The following COL16A1 variants were observed in gnomAD, a reference collection of about 807,000 sequenced individuals.
COL16A1 encodes the protein collagen type XVI alpha 1 chain.
A neutral mutation model predicts 266.3 loss-of-function variants in COL16A1; 189 were observed. That is an observed-to-expected ratio of 0.71 (90% confidence interval 0.63 to 0.80). COL16A1 has a LOEUF of 0.80. Among genes scored for constraint, COL16A1 ranks in the 30% least tolerant of loss-of-function variants. The pLI, the probability that COL16A1 is intolerant of heterozygous loss-of-function variation, is 0.00. For missense variants in COL16A1, 1,928 were observed against 2,122.4 expected (o/e 0.91, Z 1.80); for synonymous variants, 740 against 782.3 (o/e 0.95, Z 0.90).
rs765794123 is a variant in COL16A1, at chr1:31,697,089, C to G, written c.739-1G>C. On this transcript the variant is annotated splice_acceptor_variant, in intron 7 of 70. Coordinates refer to ENST00000373672, the MANE Select transcript of COL16A1 (RefSeq NM_001856.4). LOFTEE classifies it high-confidence loss of function. This position sits in a 1 kb window ranked among gnomAD's most constrained non-coding sequence, Gnocchi z 4.2. ...GGGCCTTGGAGGTCTCTGGGGGGCA[C>G]TGTTTGGTGGAAGAGCGGGGCTAGG... is the stretch of plus-strand genomic sequence containing the variant. 6.2e-7 allele frequency: 1 copy of G among 1,614,114 alleles called. No homozygotes were observed. The highest frequency in any genetic ancestry group is 8.5e-7 in the Non-Finnish European group (1 of 1,179,998).
Position 31,668,176 on chromosome 1 carries a change from G to A in COL16A1, c.3292C>T (p.Pro1098Ser). Residue 1098 changes from proline to serine, a missense_variant, in exon 51 of 71, where the codon CCA becomes TCA. Physicochemically the swap from Pro to Ser is moderately conservative, Grantham distance 74. Around this residue, in one of 2 missense-constraint regions of COL16A1, gnomAD observed 1,552 missense variants for 1,637.2 expected, o/e 0.95. Coordinates refer to ENST00000373672, the MANE Select transcript of COL16A1 (RefSeq NM_001856.4). This position sits in a 1 kb window ranked among gnomAD's most constrained non-coding sequence, Gnocchi z 5.8. ...GTCCCCTTACTCACAGGCAGTCCTGGGGGGCCCGTGGCACCTGGGTAACCT... is the reference window on the plus strand; with the variant it reads ...GTCCCCTTACTCACAGGCAGTCCTGAGGGGCCCGTGGCACCTGGGTAACCT... ...QPGYPGATGP[P>S]GLPGIKGERG... 10 of 1,612,802 alleles carry A rather than the reference G, an allele frequency of 6.2e-6. No homozygotes were observed. Among genetic ancestry groups the A allele is most frequent in the Non-Finnish European group, 8.5e-6 (10 of 1,179,372 alleles).
At chr1:31,671,705 T>G in intron 47 of COL16A1, 46 bp from the exon 48 acceptor site, 2 of 1,612,286 alleles carry the variant, frequency 1.2e-6, no homozygotes, top group Non-Finnish European at 1.7e-6. Context: ...CCAGGCCCCA[T>G]AGAGCCCCTG....
chr1:31,691,162 G>C, intron 20 of COL16A1, 26 bp downstream of exon 20: 9 of 1,611,338 alleles, frequency 5.6e-6, no homozygotes, highest in South Asian at 1.1e-5. Context: ...AGCTCCCCAC[G>C]TGACCACACT....
Position 31,680,937 on chromosome 1 carries a change from G to A in COL16A1, c.2584-6C>T, listed in dbSNP as rs1185047968. 2 of 1,614,052 alleles carry A rather than the reference G, an allele frequency of 1.2e-6. No individual in the cohort carries two copies. On this transcript the variant is annotated splice_region_variant and splice_polypyrimidine_tract_variant and intron_variant, in intron 38 of 70. Coordinates refer to ENST00000373672, the MANE Select transcript of COL16A1 (RefSeq NM_001856.4). The stretch of plus-strand genomic sequence containing the variant: ...CCTCGTGGTCCTTTTTCACCCTGCA[G>A]GGAAGAAACACAGGAAGGTGAGCAG...
chr1:31,674,704 C>T (rs10798883), intron 44 of COL16A1, among the ~76,000 whole-genome samples: 70,033 of 152,102 alleles, frequency 0.46, 18,014 homozygotes, highest in South Asian at 0.6. Flanking sequence ...CAGGGTGACC[C>T]GGGTGCTACG....
rs754435285 is a variant in COL16A1, at chr1:31,691,628, C to A, written c.1272G>T (p.Glu424Asp). 1 of 1,613,742 alleles carries A rather than the reference C, an allele frequency of 6.2e-7. No homozygotes were observed. The highest frequency in any genetic ancestry group is 1.7e-5 in the Admixed American group (1 of 60,020). Residue 424 changes from glutamate (E) to aspartate (D), a missense_variant, in exon 18 of 71, where the codon GAG becomes GAT. By Grantham distance (45) the Glu-to-Asp change is conservative (BLOSUM62 2). This residue lies in a region of COL16A1 where 1,552 missense variants were observed against 1,637.2 expected (regional missense o/e 0.95). Transcript: ENST00000373672. The part of the protein sequence containing the change: ...GKPGRDGRPG[E>D]ICVIGPKGQK... ...GCCCTTTGGGCCCAATGACACAGAT[C>A]TCTCCTGGCCGGCCCTGTGGGGGGA...
rs775517471 is a variant in COL16A1, at chr1:31,697,183, G to C, written c.738+37C>G. 1 of 1,612,042 alleles carries C rather than the reference G, an allele frequency of 6.2e-7. No individual in the cohort carries two copies. The highest frequency in any genetic ancestry group is 8.5e-7 in the Non-Finnish European group (1 of 1,179,510). On this transcript the variant is annotated intron_variant, in intron 7 of 70. Transcript: ENST00000373672. This position sits in a 1 kb window ranked among gnomAD's most constrained non-coding sequence, Gnocchi z 4.2. The stretch of plus-strand genomic sequence containing the variant: ...CTTCCAGACCCTCATCTCCAGCACA[G>C]TGTGTCCCTGGGCAGCCCAAGGGCC...
chr1:31,652,915 C>T lies in COL16A1; in HGVS notation c.4613-62G>A, dbSNP rs1640753401. 7.2e-7 allele frequency: 1 copy of T among 1,386,662 alleles called. No homozygotes were observed. Among genetic ancestry groups the T allele is most frequent in the Admixed American group, 3.5e-5 (1 of 28,554 alleles). 85.9% of individuals were successfully genotyped at this position (1,386,662 alleles called of 1,614,324 possible). A position where few individuals can be genotyped will look rare whatever the true frequency, so the allele number is the denominator to read the frequency against. On this transcript the variant is annotated intron_variant, in intron 70 of 70. Coordinates refer to ENST00000373672, the MANE Select transcript of COL16A1 (RefSeq NM_001856.4). The surrounding 1 kb of genome is among the most constrained non-coding windows in gnomAD (Gnocchi z 4.8). ...ACCCAGATCATAAGGGAAAAGAAGC[C>T]ATAATGGCATCAAATAATACCTTAC...
rs199551630 is a variant in COL16A1 at position 31,655,425 on chromosome 1, C to G, written c.4179G>C (p.Lys1393Asn). 218 of 1,614,154 alleles carry G rather than the reference C, an allele frequency of 1.4e-4. 1 individual carries two copies. The Middle Eastern group carries it at 2.1e-3, about 16-fold the overall frequency. The change falls in exon 67 of 71, where the codon AAG becomes AAC. Residue 1393 changes from lysine (K) to asparagine (N), a missense_variant. Lys to Asn is a moderately conservative substitution (Grantham distance 94). Transcript: ENST00000373672. Reference sequence around the variant, plus strand: ...GCCCAACAGGCCCCATGGAACCACTCTTGCCAGGTCCACCAGGCATGCCGG... The same window carrying G: ...GCCCAACAGGCCCCATGGAACCACTGTTGCCAGGTCCACCAGGCATGCCGG... ...GRAGMPGGPG[K>N]SGSMGPVGPP...
intron 23 of COL16A1, 90 bp from the exon 24 acceptor site, chr1:31,689,175 C>T: frequency 6.3e-7 from 1 of 1,596,052 alleles, no homozygotes; most frequent in South Asian, 1.1e-5. Context: ...CAATGTCACA[C>T]ACGCAAACCG....
chr1:31,666,065 T>G lies in COL16A1; in HGVS notation c.3374A>C (p.Glu1125Ala). The G allele has an allele frequency of 6.2e-7, 1 of 1,612,118 alleles. No individual in the cohort carries two copies. Among genetic ancestry groups the G allele is most frequent in the Non-Finnish European group, 8.5e-7 (1 of 1,179,444 alleles). Residue 1125 changes from glutamate (E) to alanine (A), a missense_variant, in exon 53 of 71, where the codon GAA (glutamate) becomes GCA (alanine). Glu to Ala is a moderately radical substitution (Grantham distance 107). Around this residue, in one of 2 missense-constraint regions of COL16A1, gnomAD observed 1,552 missense variants for 1,637.2 expected, o/e 0.95. Transcript: ENST00000373672. ...TGGGCCTGGGGGGCCTGGGAGGCCT[T>G]CAGATCCTGGGGGGCCCTAAGGATA... ...EKGEPGPPGS[E>A]GLPGPPGPAG...
At position 31,658,551 on chromosome 1, in the gene COL16A1, G is replaced by A. The variant is rs368113432; in HGVS notation, c.3957C>T (p.Thr1319=). Residue 1319 remains threonine (T), a synonymous_variant, in exon 64 of 71, where the codon ACC becomes ACT. Transcript: ENST00000373672. The part of the protein sequence containing the change: ...AVGLKGDRGA[T]GERGLAGLPG... ...GGAGGCCTGCAAGGCCCCTTTCTCC[G>A]GTGGCTCCTCGGTCTCCTTTCAGAC... 69 of 1,604,862 alleles carry A rather than the reference G, an allele frequency of 4.3e-5. No individual in the cohort carries two copies. The highest frequency in any genetic ancestry group is 5.3e-5 in the African/African-American group (4 of 74,866).
chr1:31,656,529 T>A lies in COL16A1; in HGVS notation c.4057-85A>T, dbSNP rs1641165846. ...AGGCAGGTGCAGTGAAGAGGCCCCT[T>A]CCACAGCCTGAGGCCCCCAGGTGTG... is the stretch of plus-strand genomic sequence containing the variant. On this transcript the variant is annotated intron_variant, in intron 65 of 70. Transcript: ENST00000373672. This position sits in a 1 kb window ranked among gnomAD's most constrained non-coding sequence, Gnocchi z 4.2. The A allele has an allele frequency of 3.2e-6, 5 of 1,557,080 alleles. No homozygotes were observed. The Admixed American group carries it at 9.9e-5, about 31-fold the overall frequency.
chr1:31,691,240 C>T lies in COL16A1; in HGVS notation c.1399-14G>A. 6.2e-6 allele frequency: 10 copies of T among 1,613,760 alleles called. No individual in the cohort carries two copies. Among genetic ancestry groups the T allele is most frequent in the Admixed American group, 1.7e-5 (1 of 59,938 alleles). ...ACCTGGATCCCCCTGAGGGCAGAAA[C>T]AGAGTCACGTGGAAGTTTCCAGGGA... On this transcript the variant is annotated splice_polypyrimidine_tract_variant and intron_variant, in intron 19 of 70. Transcript: ENST00000373672.
At chr1:31,672,560 G>A in intron 46 of COL16A1, 36 bp downstream of exon 46, 1 of 1,612,710 alleles carries the variant, frequency 6.2e-7, no homozygotes, top group South Asian at 1.1e-5. Flanking sequence ...TGTGGGGCAT[G>A]GGGCATGATC....
intron 37 of COL16A1, among the ~76,000 whole-genome samples, chr1:31,681,587 G>A (rs538632560): frequency 1.7e-4 from 26 of 152,360 alleles, no homozygotes; most frequent in African/African-American, 2.9e-4. Flanking sequence ...CGCCCCTAGC[G>A]AGTGTGGGGC....
chr1:31,694,027 C>T, intron 12 of COL16A1, 117 bp downstream of exon 12: 1 of 907,314 alleles, frequency 1.1e-6, no homozygotes, highest in Non-Finnish European at 1.7e-6. Context: ...AATCACCCTA[C>T]ACACATACAG....
chr1:31,652,572 C>A lies in COL16A1; in HGVS notation c.*79G>T. The A allele has an allele frequency of 2.2e-6, 3 of 1,340,566 alleles. No individual in the cohort carries two copies. Among genetic ancestry groups the A allele is most frequent in the Non-Finnish European group, 2.0e-6 (2 of 1,025,352 alleles). 83.0% of individuals were successfully genotyped at this position (1,340,566 alleles called of 1,614,324 possible). On this transcript the variant is annotated 3_prime_UTR_variant, in exon 71 of 71. Coordinates refer to ENST00000373672, the MANE Select transcript of COL16A1 (RefSeq NM_001856.4). The surrounding 1 kb of genome is among the most constrained non-coding windows in gnomAD (Gnocchi z 4.8). ...CAACAACAACAACAAAAAAAACATT[C>A]ACAACCTGTCACAGAGTCCTATAAG...
chr1:31,696,256 C>A, intron 8 of COL16A1, 115 bp from the exon 9 acceptor site: 1 of 866,614 alleles, frequency 1.2e-6, no homozygotes, highest in Non-Finnish European at 1.8e-6. Context: ...AGCCTGGCAT[C>A]TGGCACCTCC....
Sources: allele counts gnomAD v4.1 joint callset (sites outside exome capture counted in the v4.1 genomes callset), GRCh38; gene constraint gnomAD v4.1.1; regional missense constraint gnomAD v4.1.1; non-coding constraint Gnocchi (gnomAD v3.1); transcripts MANE v1.5; gene names NCBI Gene and HGNC (gene_info 2026-07-23, HGNC 2026-07-21).